The following ACOT9 variants were observed in gnomAD, a reference collection of about 807,000 sequenced individuals.
The protein encoded by ACOT9 is acyl-coenzyme A thioesterase 9, mitochondrial.
A neutral mutation model predicts 39.7 loss-of-function variants in ACOT9; 34 were observed. The observed-to-expected ratio is 0.86, with a 90% CI of 0.65 to 1.14. ACOT9 has a LOEUF of 1.14. Among genes scored for constraint, ACOT9 ranks in the 50% most tolerant of loss-of-function variants. The probability of loss-of-function intolerance (pLI) is 0.00; values close to 1 mark genes in which losing one functional copy is unlikely to be tolerated. For synonymous variants in ACOT9, 110 were observed against 120.5 expected (o/e 0.91, Z 0.57); for missense variants, 313 against 344.1 (o/e 0.91, Z 0.71).
chrX:23,721,370 G>A (rs754443831), intron 8 of ACOT9, among the ~76,000 whole-genome samples: 2 of 111,845 alleles, frequency 1.8e-5, no homozygotes, highest in South Asian at 3.7e-4. Flanking sequence ...TGGGATTACA[G>A]GCGTGAGCCA....
chrX:23,713,994 C>T (rs753977330), intron 8 of ACOT9, among the ~76,000 whole-genome samples: 2 of 111,182 alleles, frequency 1.8e-5, no homozygotes, highest in East Asian at 2.8e-4. Flanking sequence ...GCTATGATCA[C>T]GACCCTGCAC....
At chrX:23,707,737 CA>C (rs1208804145) in intron 10 of ACOT9, 139 bp downstream of exon 10, 11 of 388,877 alleles carry the variant, frequency 2.8e-5, no homozygotes, top group East Asian at 9.6e-5. Flanking sequence ...GACTCCATTT[CA>C]AAAAAAACAA....
chrX:23,723,599 CAAAAAAAAAAAAA>C (rs34401071), intron 6 of ACOT9, among the ~76,000 whole-genome samples: 1 of 54,417 alleles, frequency 1.8e-5, no homozygotes, highest in Non-Finnish European at 3.3e-5. Context: ...AAGACTGTCT[CAAAAAAAAAAAAA>C]AAAAAAAAAA....
In ACOT9 at chrX:23,738,893, A is replaced by C. The variant is rs752192539; in HGVS notation, c.21-2877T>G. The stretch of plus-strand genomic sequence containing the variant: ...ACACAGAAATTGTTTTGTTACACTA[A>C]GAAGCAGCATTTTCTGAAGAGGGAT... On this transcript the variant is annotated intron_variant, in intron 1 of 15. Transcript: ENST00000379303. Among the ~76,000 whole-genome samples, 5 of 112,272 alleles carry C rather than the reference A, an allele frequency of 4.5e-5. No individual in the cohort carries two copies. In the South Asian group the frequency reaches 1.8e-3, roughly 41 times the overall value.
At chrX:23,740,464 CTG>C (rs1322367766) in intron 1 of ACOT9, among the ~76,000 whole-genome samples, 4 of 110,653 alleles carry the variant, frequency 3.6e-5, no homozygotes, top group African/African-American at 1.3e-4. Context: ...CTGATGGAAA[CTG>C]TGGACCTCGA....
intron 3 of ACOT9, among the ~76,000 whole-genome samples, 187 bp from the exon 4 acceptor site, chrX:23,733,404 A>T (rs1929825412): frequency 8.9e-6 from 1 of 111,953 alleles, no homozygotes; most frequent in South Asian, 3.7e-4. Context: ...TAAAAACCTG[A>T]AAGAACTATA....
chrX:23,737,804 T>C (rs1210067221), intron 1 of ACOT9, among the ~76,000 whole-genome samples: 8 of 111,360 alleles, frequency 7.2e-5, no homozygotes, highest in Non-Finnish European at 1.9e-5. Flanking sequence ...CTCTCTTAAA[T>C]ATTTTAGCTT....
chrX:23,716,873 G>T (rs1356879371), intron 8 of ACOT9, among the ~76,000 whole-genome samples: 5 of 107,822 alleles, frequency 4.6e-5, no homozygotes, highest in Non-Finnish European at 9.6e-5. Flanking sequence ...TTTTTTTTTT[G>T]AGACCGAGTC....
At chrX:23,708,321 G>A (rs1157443487) in intron 9 of ACOT9, among the ~76,000 whole-genome samples, 1 of 111,412 alleles carries the variant, frequency 9.0e-6, no homozygotes, top group Non-Finnish European at 1.9e-5. Flanking sequence ...ACCTGAAGTT[G>A]GGAGTTTGAG....
intron 1 of ACOT9, 109 bp downstream of exon 1, chrX:23,743,016 G>T: frequency 1.1e-6 from 1 of 949,882 alleles, no homozygotes; most frequent in Non-Finnish European, 1.4e-6. Context: ...GAGCCCAAAT[G>T]CCCATGCGTG....
At chrX:23,732,922 G>C (rs1403094381) in intron 4 of ACOT9, among the ~76,000 whole-genome samples, 1 of 112,124 alleles carries the variant, frequency 8.9e-6, no homozygotes, top group East Asian at 2.8e-4. Context: ...ATGAGAATCA[G>C]TGAAGTAATA....
chrX:23,709,950 C>T (rs1213708769), intron 9 of ACOT9, among the ~76,000 whole-genome samples: 1 of 112,004 alleles, frequency 8.9e-6, no homozygotes, highest in African/African-American at 3.2e-5. Flanking sequence ...TGCAGTGGTG[C>T]GACCTTGGCT....
At chrX:23,741,685 TTTTG>T (rs1264542522) in intron 1 of ACOT9, among the ~76,000 whole-genome samples, 1 of 112,017 alleles carries the variant, frequency 8.9e-6, no homozygotes, top group Non-Finnish European at 1.9e-5. Context: ...TTCAATAGTT[TTTTG>T]TTTGAGACAG....
At chrX:23,722,640 T>C (rs757107850) in intron 7 of ACOT9, 30 bp downstream of exon 7, 39 of 964,288 alleles carry the variant, frequency 4.0e-5, no homozygotes, top group Middle Eastern at 5.3e-4. Flanking sequence ...CTAAGAATTC[T>C]AAGTATGCAT....
intron 1 of ACOT9, among the ~76,000 whole-genome samples, chrX:23,741,129 TAATAAA>T (rs1335608993): frequency 5.5e-5 from 6 of 108,846 alleles, no homozygotes; most frequent in African/African-American, 2.0e-4. Flanking sequence ...ATAATAATAA[TAATAAA>T]AAGATGATTA....
At position 23,704,739 on chromosome X, in the gene ACOT9, T is replaced by G. The variant is rs1928614464; in HGVS notation, c.1213A>C (p.Met405Leu). The G allele has an allele frequency of 8.3e-7, 1 of 1,210,165 alleles. No individual in the cohort carries two copies. Among genetic ancestry groups the G allele is most frequent in the African/African-American group, 1.7e-5 (1 of 57,359 alleles). Reference sequence around the variant, plus strand: ...ACCAATGGCACTTCTTTTTCCGACATGAACGTGAAATGAAAGACATTGGTG... The same window carrying G: ...ACCAATGGCACTTCTTTTTCCGACAGGAACGTGAAATGAAAGACATTGGTG... ...TTTNVFHFTF[M>L]SEKEVPLVFP... Residue 405 changes from methionine to leucine, a missense_variant, in exon 15 of 16, where the codon ATG becomes CTG. By Grantham distance (15) the Met-to-Leu change is conservative. Transcript: ENST00000379303.
chrX:23,726,691 G>A (rs1929536666), intron 6 of ACOT9, among the ~76,000 whole-genome samples: 1 of 106,010 alleles, frequency 9.4e-6, no homozygotes, highest in Non-Finnish European at 1.9e-5. Context: ...TTTTGACTCA[G>A]AGCCTCACTC....
Position 23,733,190 on chromosome X carries a change from CCTA to C in ACOT9, c.170_172del (p.Val57del). 2.5e-6 allele frequency: 3 copies of C among 1,208,960 alleles called. No homozygotes were observed. The highest frequency in any genetic ancestry group is 3.4e-6 in the Non-Finnish European group (3 of 893,581). ...TGCATACCTCCAGTTTGTGGATGCT[CCTA>C]CTATCTCCCGCAACTTATCTCGAAC... On this transcript the variant is annotated inframe_deletion, in exon 4 of 16. Coordinates refer to ENST00000379303, the MANE Select transcript of ACOT9 (RefSeq NM_001037171.2).
In ACOT9 at chrX:23,730,521, C is replaced by A; in HGVS notation, c.400+6G>T. 1.1e-5 allele frequency: 13 copies of A among 1,197,945 alleles called. No homozygotes were observed. Among genetic ancestry groups the A allele is most frequent in the Non-Finnish European group, 1.4e-5 (12 of 883,654 alleles). On this transcript the variant is annotated splice_donor_region_variant and intron_variant, in intron 6 of 15. Transcript: ENST00000379303. ...TCTATTAGAAAGACTAAAATAATACCAGTACCTCCCAAGCTGTCAAGATCC... is the reference window on the plus strand; with the variant it reads ...TCTATTAGAAAGACTAAAATAATACAAGTACCTCCCAAGCTGTCAAGATCC...
Sources: allele counts gnomAD v4.1 joint callset (sites outside exome capture counted in the v4.1 genomes callset), GRCh38; gene constraint gnomAD v4.1.1; transcripts MANE v1.5; gene names NCBI Gene and HGNC (gene_info 2026-07-23, HGNC 2026-07-21).